Variants in AFAP1L2 observed in about 807,000 individuals in gnomAD.
AFAP1L2 encodes the protein actin filament associated protein 1 like 2.
Under a neutral mutation model 99.3 loss-of-function variants are expected in AFAP1L2, and 46 were observed. The observed-to-expected ratio is 0.46, with a 90% CI of 0.37 to 0.59. The LOEUF (loss-of-function observed/expected upper bound fraction) is 0.59, where lower values mean the gene tolerates loss of function less well. AFAP1L2 is among the 20% of genes least tolerant of loss of function. AFAP1L2 has a pLI of 0.00. For synonymous variants in AFAP1L2, 397 were observed against 419.1 expected, an observed-to-expected ratio of 0.95 and a Z score of 0.64; for missense variants, 959 against 1,034.9, an observed-to-expected ratio of 0.93 and a Z score of 1.01.
intron 2 of AFAP1L2, among the ~76,000 whole-genome samples, chr10:114,337,906 G>A (rs954147480): frequency 3.3e-5 from 5 of 152,184 alleles, no homozygotes; most frequent in African/African-American, 9.6e-5. Flanking sequence ...CAACCTTCCC[G>A]CTTTGTAATG....
At chr10:114,390,505 G>A (rs1007536454) in intron 1 of AFAP1L2, among the ~76,000 whole-genome samples, 7 of 151,978 alleles carry the variant, frequency 4.6e-5, no homozygotes, top group Non-Finnish European at 1.0e-4. Flanking sequence ...GGCAGATCAC[G>A]AGGTCAGGAG....
At chr10:114,289,992 CAAA>C (rs35165936), downstream of AFAP1L2, 8,182 of 211,456 alleles carry the variant, frequency 0.039, 3 homozygotes, top group South Asian at 0.069. Context: ...GATTCTGCCT[CAAA>C]AAAAAAAAAA....
rs1453177396 is a variant in AFAP1L2 at position 114,377,441 on chromosome 10, T to C, written c.16+26999A>G. Among the ~76,000 whole-genome samples the C allele has an allele frequency of 1.3e-5, 2 of 152,166 alleles. No individual in the cohort carries two copies. The highest frequency in any genetic ancestry group is 1.3e-4 in the Admixed American group (2 of 15,280). ...GAAGTCACCACTGTACCCATCAAGT[T>C]GTGGTGGGGTGGTGGATGGGAGGAC... On this transcript the variant is annotated intron_variant, in intron 1 of 18. Transcript: ENST00000304129. This position sits in a 1 kb window ranked among gnomAD's most constrained non-coding sequence, Gnocchi z 4.0.
At chr10:114,373,158 G>A (rs1590676855) in intron 1 of AFAP1L2, among the ~76,000 whole-genome samples, 2 of 151,966 alleles carry the variant, frequency 1.3e-5, no homozygotes, top group Admixed American at 6.5e-5. Context: ...TGGGAAGATC[G>A]CTTGAGCCCA....
At chr10:114,384,525 G>A (rs1250473256) in intron 1 of AFAP1L2, among the ~76,000 whole-genome samples, 1 of 152,200 alleles carries the variant, frequency 6.6e-6, no homozygotes, top group Non-Finnish European at 1.5e-5. Flanking sequence ...GTGGCTGAAC[G>A]TTGCCTGGGG....
At chr10:114,372,675 A>G (rs1243884909) in intron 1 of AFAP1L2, among the ~76,000 whole-genome samples, 4 of 151,868 alleles carry the variant, frequency 2.6e-5, no homozygotes, top group Non-Finnish European at 4.4e-5. Context: ...ATTTATATGC[A>G]CATATGTGTA....
chr10:114,284,070 A>G, the AFAP1L2 span, among the ~76,000 whole-genome samples: 1 of 152,202 alleles, frequency 6.6e-6, no homozygotes, highest in African/African-American at 2.4e-5. Context: ...TTTTAGCTGC[A>G]CTTTGTAATA....
At chr10:114,394,908 T>C (rs2057531391) in intron 1 of AFAP1L2, among the ~76,000 whole-genome samples, 1 of 152,036 alleles carries the variant, frequency 6.6e-6, no homozygotes, top group South Asian at 2.1e-4. Flanking sequence ...GCTCCAGACA[T>C]CTGGAACCGT....
chr10:114,335,310 T>TA (rs1164594494), intron 2 of AFAP1L2, among the ~76,000 whole-genome samples: 167 of 151,904 alleles, frequency 1.1e-3, no homozygotes, highest in East Asian at 0.011. Flanking sequence ...TTTTTTTTTT[T>TA]AAAAAAAGAA....
intron 4 of AFAP1L2, among the ~76,000 whole-genome samples, chr10:114,330,706 C>T (rs937488177): frequency 1.3e-5 from 2 of 152,236 alleles, no homozygotes; most frequent in Non-Finnish European, 1.5e-5. Flanking sequence ...TTTGAACCCA[C>T]ATCCATATGA....
chr10:114,283,052 G>A, the AFAP1L2 span, among the ~76,000 whole-genome samples: 2 of 152,150 alleles, frequency 1.3e-5, no homozygotes, highest in Non-Finnish European at 2.9e-5. Context: ...CCAAATTAAC[G>A]TGAGGAATCA....
intron 4 of AFAP1L2, among the ~76,000 whole-genome samples, chr10:114,329,796 G>T (rs1313979069): frequency 6.6e-6 from 1 of 152,208 alleles, no homozygotes; most frequent in Non-Finnish European, 1.5e-5. Flanking sequence ...GGCCCAGGCT[G>T]GGGGAGGAAT....
At chr10:114,398,074 GCTC>G (rs1771120015) in intron 1 of AFAP1L2, among the ~76,000 whole-genome samples, 3 of 152,148 alleles carry the variant, frequency 2.0e-5, no homozygotes, top group African/African-American at 7.2e-5. Flanking sequence ...GGGGAGGCAG[GCTC>G]CTCCTGTTTT....
intron 4 of AFAP1L2, among the ~76,000 whole-genome samples, chr10:114,324,357 C>T (rs1285075137): frequency 6.6e-6 from 1 of 150,630 alleles, no homozygotes. Flanking sequence ...AATTCTCTTG[C>T]TACAGTTTCC....
chr10:114,323,363 G>T, intron 4 of AFAP1L2, 102 bp from the exon 5 acceptor site: 1 of 1,001,840 alleles, frequency 1.0e-6, no homozygotes, highest in Non-Finnish European at 1.5e-6. Context: ...AAAATGCCCA[G>T]CTGGACTTTA....
chr10:114,314,117 G>T, intron 6 of AFAP1L2, 67 bp from the exon 7 acceptor site: 3 of 1,512,350 alleles, frequency 2.0e-6, no homozygotes, highest in Non-Finnish European at 2.7e-6. Context: ...GTCTGCAAAG[G>T]AGGGGCCGCT....
chr10:114,368,767 AACACACAC>A (rs34854872), intron 1 of AFAP1L2, among the ~76,000 whole-genome samples: 22,785 of 140,574 alleles, frequency 0.16, 1,946 homozygotes, highest in Middle Eastern at 0.2. Context: ...GTGTCCTTAC[AACACACAC>A]ACACACACAC....
rs528563521 is a variant in AFAP1L2, at chr10:114,314,355, A to G, written c.613-305T>C. On this transcript the variant is annotated intron_variant, in intron 6 of 18. Coordinates refer to ENST00000304129, the MANE Select transcript of AFAP1L2 (RefSeq NM_001001936.3). ...TTGCCCCAGGCCTGGAGGGCCTAAA[A>G]TACGTCCTCTGTGTTCACCGTTCAG... Among the ~76,000 whole-genome samples, 3 of 152,184 alleles carry G rather than the reference A, an allele frequency of 2.0e-5. No homozygotes were observed. In the South Asian group the frequency reaches 6.2e-4, roughly 32 times the overall value.
chr10:114,284,866 CCT>C, the AFAP1L2 span: 1 of 1,607,722 alleles, frequency 6.2e-7, no homozygotes, highest in Non-Finnish European at 8.5e-7. Flanking sequence ...CTGATAGGCC[CCT>C]GTGACTCGCA....
Sources: allele counts gnomAD v4.1 joint callset (sites outside exome capture counted in the v4.1 genomes callset), GRCh38; gene constraint gnomAD v4.1.1; non-coding constraint Gnocchi (gnomAD v3.1); transcripts MANE v1.5; gene names NCBI Gene and HGNC (gene_info 2026-07-23, HGNC 2026-07-21).